CDYL2: variants seen among roughly 807,000 people sequenced by gnomAD.
CDYL2 encodes the protein chromodomain Y-like protein 2.
Under a neutral mutation model 49.4 loss-of-function variants are expected in CDYL2, and 23 were observed. The ratio of observed to expected loss-of-function variants is 0.47; its 90% confidence interval spans 0.34 to 0.66. The LOEUF is 0.66. Ranked by LOEUF, CDYL2 falls within the 30% of genes least tolerant of loss-of-function variation. The pLI, the probability that CDYL2 is intolerant of heterozygous loss-of-function variation, is 0.01. For synonymous variants in CDYL2, 360 were observed against 268.8 expected, an observed-to-expected ratio of 1.34 and a Z score of -3.32; for missense variants, 678 against 656.4, an observed-to-expected ratio of 1.03 and a Z score of -0.36.
At chr16:80,726,835 C>T (rs1905178309) in intron 1 of CDYL2, among the ~76,000 whole-genome samples, 1 of 151,750 alleles carries the variant, frequency 6.6e-6, no homozygotes, top group Non-Finnish European at 1.5e-5. Flanking sequence ...TGCCTATAAT[C>T]CCAACACTTT....
Position 80,622,354 on chromosome 16 carries a change from T to A in CDYL2, c.835-1419A>T, listed in dbSNP as rs563400964. ...GCCAATCTCCCCACCCCTTGTGGGG[T>A]TGCCCAGGCTCCTTGATTCTGAAGG... On this transcript the variant is annotated intron_variant, in intron 3 of 6. Transcript: ENST00000570137. Among the ~76,000 whole-genome samples the A allele has an allele frequency of 2.6e-5, 4 of 152,290 alleles. No homozygotes were observed. The South Asian group carries it at 8.3e-4, about 32-fold the overall frequency.
intron 1 of CDYL2, among the ~76,000 whole-genome samples, chr16:80,751,066 C>T (rs1313901752): frequency 1.3e-5 from 2 of 152,222 alleles, no homozygotes; most frequent in African/African-American, 2.4e-5. Context: ...GTAAAAGCTG[C>T]TCAACTCATT....
intron 1 of CDYL2, among the ~76,000 whole-genome samples, chr16:80,775,068 T>C (rs995783380): frequency 6.6e-6 from 1 of 152,008 alleles, no homozygotes; most frequent in Admixed American, 6.6e-5. Flanking sequence ...CTTGAACATA[T>C]AATTACATAT....
At chr16:80,674,725 G>A (rs1349641830) in intron 2 of CDYL2, among the ~76,000 whole-genome samples, 1 of 152,196 alleles carries the variant, frequency 6.6e-6, no homozygotes, top group Non-Finnish European at 1.5e-5. Context: ...GTGGTTTTGA[G>A]GTTCATCCAC....
chr16:80,631,944 C>T (rs7198464), intron 3 of CDYL2, among the ~76,000 whole-genome samples: 396 of 152,224 alleles, frequency 2.6e-3, no homozygotes, highest in East Asian at 9.9e-3. Flanking sequence ...CTGGTCAGAA[C>T]GTAAAATGGG....
At chr16:80,716,801 G>A (rs1567582930) in intron 1 of CDYL2, among the ~76,000 whole-genome samples, 2 of 151,502 alleles carry the variant, frequency 1.3e-5, no homozygotes, top group African/African-American at 4.9e-5. Context: ...GATAATGGAG[G>A]GGTGACTGAA....
At chr16:80,672,346 C>G (rs1449035049) in intron 2 of CDYL2, among the ~76,000 whole-genome samples, 5 of 125,962 alleles carry the variant, frequency 4.0e-5, no homozygotes, top group Non-Finnish European at 9.3e-5. Flanking sequence ...CACACACACA[C>G]ACACACAGAG....
At chr16:80,609,461 C>A (rs561865095) in intron 5 of CDYL2, among the ~76,000 whole-genome samples, 1 of 152,198 alleles carries the variant, frequency 6.6e-6, no homozygotes, top group African/African-American at 2.4e-5. Flanking sequence ...CAATCTTTCA[C>A]GCCAGAGTAG....
chr16:80,692,566 A>C (rs1910460080), intron 1 of CDYL2, among the ~76,000 whole-genome samples: 1 of 152,276 alleles, frequency 6.6e-6, no homozygotes, highest in African/African-American at 2.4e-5. Flanking sequence ...GATTAATGCT[A>C]TACAATGATA....
intron 1 of CDYL2, among the ~76,000 whole-genome samples, chr16:80,775,662 T>C (rs147026868): frequency 7.0e-4 from 107 of 151,984 alleles, no homozygotes; most frequent in African/African-American, 2.4e-3. Flanking sequence ...ACATATGATG[T>C]CATAAATAAT....
At chr16:80,645,908 T>C (rs930952176) in intron 2 of CDYL2, among the ~76,000 whole-genome samples, 3 of 144,884 alleles carry the variant, frequency 2.1e-5, no homozygotes, top group Non-Finnish European at 3.0e-5. Flanking sequence ...CACCGCATGT[T>C]CTCACTCATA....
intron 3 of CDYL2, among the ~76,000 whole-genome samples, chr16:80,622,032 G>T (rs568322154): frequency 6.6e-6 from 1 of 152,162 alleles, no homozygotes; most frequent in Non-Finnish European, 1.5e-5. Flanking sequence ...TAGAGGGGTC[G>T]TAACACTAGT....
chr16:80,680,642 G>C (rs1909933177), intron 2 of CDYL2, among the ~76,000 whole-genome samples: 1 of 152,194 alleles, frequency 6.6e-6, no homozygotes, highest in Admixed American at 6.5e-5. Context: ...GAAACTGCAA[G>C]CAAGGCAGAG....
At chr16:80,625,816 G>A (rs926966396) in intron 3 of CDYL2, among the ~76,000 whole-genome samples, 22 of 152,304 alleles carry the variant, frequency 1.4e-4, no homozygotes, top group African/African-American at 4.6e-4. Context: ...TCAAGGTGCT[G>A]AGGAAAACAA....
In CDYL2 at chr16:80,611,285, G is replaced by C. The variant is rs186527574; in HGVS notation, c.1218+1341C>G. ...TGGATTTGCAGTATTTGAAGAAAGG[G>C]AGAGGAAAAAGGGAGCTGACTGGCT... is the stretch of plus-strand genomic sequence containing the variant. On this transcript the variant is annotated intron_variant, in intron 5 of 6. Transcript: ENST00000570137. 3.3e-3 allele frequency among the ~76,000 whole-genome samples: 506 copies of C among 152,312 alleles called. 2 individuals are homozygous for C. The highest frequency in any genetic ancestry group is 0.011 in the African/African-American group (472 of 41,566).
intron 2 of CDYL2, among the ~76,000 whole-genome samples, chr16:80,662,451 G>A (rs901839139): frequency 9.2e-5 from 14 of 152,112 alleles, no homozygotes; most frequent in African/African-American, 3.4e-4. Context: ...TTCCAGAGCA[G>A]TGCATCTCTC....
chr16:80,768,542 T>C (rs1906803180), intron 1 of CDYL2, among the ~76,000 whole-genome samples: 1 of 152,242 alleles, frequency 6.6e-6, no homozygotes, highest in South Asian at 2.1e-4. Flanking sequence ...ACAGTGCTTC[T>C]AGCTATGTCC....
At chr16:80,785,370 A>G (rs963951020) in intron 1 of CDYL2, among the ~76,000 whole-genome samples, 1 of 152,134 alleles carries the variant, frequency 6.6e-6, no homozygotes, top group South Asian at 2.1e-4. Context: ...CACAATTGCT[A>G]CTAAGAGAAT....
intron 2 of CDYL2, among the ~76,000 whole-genome samples, chr16:80,660,510 G>A (rs1008442848): frequency 1.1e-4 from 16 of 152,090 alleles, no homozygotes; most frequent in Non-Finnish European, 1.9e-4. Context: ...TGTATAAAAT[G>A]TATCAATCCA....
Sources: gnomAD v4.1 joint callset for allele counts (sites outside exome capture counted in the v4.1 genomes callset) on GRCh38, gnomAD v4.1.1 for gene constraint, MANE v1.5 for transcripts, NCBI Gene and HGNC (gene_info 2026-07-23, HGNC 2026-07-21) for gene names.